STK33: variants seen among roughly 807,000 people sequenced by gnomAD.
STK33 encodes serine/threonine-protein kinase 33.
In STK33, 52 loss-of-function variants were observed where a neutral mutation model predicts 58.0. The ratio of observed to expected loss-of-function variants is 0.90; its 90% CI spans 0.72 to 1.13. The LOEUF (loss-of-function observed/expected upper bound fraction) is 1.13, where lower values mean the gene tolerates loss of function less well. Ranked by LOEUF, STK33 falls within the 50% of genes most tolerant of loss-of-function variation. STK33 has a pLI of 0.00. For synonymous variants in STK33, 215 were observed against 200.1 expected (o/e 1.07, Z -0.63); for missense variants, 630 against 604.2 (o/e 1.04, Z -0.45).
intron 1 of STK33, among the ~76,000 whole-genome samples, chr11:8,593,414 C>A (rs769023122): frequency 4.2e-4 from 64 of 152,176 alleles, no homozygotes; most frequent in Non-Finnish European, 6.9e-4. Context: ...ATGCAAATAT[C>A]CCTTACTAAC....
At chr11:8,355,239 G>A in the STK33 span, among the ~76,000 whole-genome samples, 238 of 152,360 alleles carry the variant, frequency 1.6e-3, no homozygotes, top group African/African-American at 5.5e-3. Flanking sequence ...TAGCCTCAAA[G>A]TTCTACCCCA....
chr11:8,439,162 A>G (rs1315271734), intron 12 of STK33, among the ~76,000 whole-genome samples: 4 of 152,170 alleles, frequency 2.6e-5, no homozygotes, highest in African/African-American at 9.7e-5. Context: ...TTTTCAGAAC[A>G]CCTCTTAGAA....
At chr11:8,435,633 T>C (rs1347148145) in intron 13 of STK33, 54 bp from the exon 14 acceptor site, 3 of 1,104,788 alleles carry the variant, frequency 2.7e-6, no homozygotes, top group Non-Finnish European at 3.7e-6. Context: ...ATTAATAGCA[T>C]ACATTTTACA....
intron 14 of STK33, among the ~76,000 whole-genome samples, chr11:8,432,210 T>C (rs1414055474): frequency 6.6e-6 from 1 of 152,226 alleles, no homozygotes; most frequent in East Asian, 1.9e-4. Context: ...TTTATAGCAG[T>C]GGCTTTTAAA....
At chr11:8,412,047 T>C (rs1168777187) in intron 15 of STK33, among the ~76,000 whole-genome samples, 2 of 152,182 alleles carry the variant, frequency 1.3e-5, no homozygotes, top group African/African-American at 4.8e-5. Flanking sequence ...TATTTTATGT[T>C]AGATGCAGTG....
At chr11:8,384,533 G>A in the STK33 span, among the ~76,000 whole-genome samples, 7 of 152,192 alleles carry the variant, frequency 4.6e-5, no homozygotes, top group Admixed American at 1.3e-4. Context: ...CAGTGGTCAC[G>A]CTCCTTGTTC....
intron 14 of STK33, among the ~76,000 whole-genome samples, chr11:8,425,203 T>C (rs1054109545): frequency 6.6e-6 from 1 of 152,214 alleles, no homozygotes; most frequent in Non-Finnish European, 1.5e-5. Flanking sequence ...TTTCTACATA[T>C]GGCTAGCAGG....
intron 14 of STK33, among the ~76,000 whole-genome samples, chr11:8,419,633 T>C (rs1348805247): frequency 2.0e-5 from 3 of 152,206 alleles, no homozygotes; most frequent in Admixed American, 1.3e-4. Flanking sequence ...TCACTGGTAA[T>C]TTGATAGGCA....
chr11:8,399,505 A>G (rs1849995408), intron 15 of STK33, among the ~76,000 whole-genome samples: 1 of 152,254 alleles, frequency 6.6e-6, no homozygotes, highest in Non-Finnish European at 1.5e-5. Flanking sequence ...AATGTCCACA[A>G]GAGAAAGCAG....
rs114873753 is a variant in STK33, at chr11:8,511,013, T to C, written c.-465-30399A>G. On this transcript the variant is annotated intron_variant, in intron 1 of 15. Coordinates refer to ENST00000687296, the MANE Select transcript of STK33 (RefSeq NM_001352389.2). The stretch of plus-strand genomic sequence containing the variant: ...TGTATGAATTTTGGTATTGTTTTTC[T>C]AGTTCTGTGAAGAATGACAATAGTA... Among the ~76,000 whole-genome samples the C allele has an allele frequency of 4.3e-3, 655 of 152,304 alleles. 2 individuals are homozygous for C. Among genetic ancestry groups the C allele is most frequent in the African/African-American group, 0.015 (616 of 41,568 alleles).
intron 1 of STK33, among the ~76,000 whole-genome samples, chr11:8,509,694 T>C (rs571317869): frequency 6.6e-6 from 1 of 152,228 alleles, no homozygotes; most frequent in South Asian, 2.1e-4. Flanking sequence ...CAAAGTCCTT[T>C]ATATCATTCT....
intron 1 of STK33, among the ~76,000 whole-genome samples, chr11:8,484,608 T>C (rs968298523): frequency 3.9e-5 from 6 of 152,190 alleles, no homozygotes; most frequent in Non-Finnish European, 7.3e-5. Flanking sequence ...ATAATTTAAA[T>C]ATGTAAATGC....
At chr11:8,573,659 G>A (rs567808883) in intron 1 of STK33, among the ~76,000 whole-genome samples, 155 of 152,244 alleles carry the variant, frequency 1.0e-3, no homozygotes, top group African/African-American at 3.4e-3. Flanking sequence ...ATCAGTAACC[G>A]TCAAAAACTG....
chr11:8,353,239 C>CA, the STK33 span, among the ~76,000 whole-genome samples: 2 of 152,210 alleles, frequency 1.3e-5, no homozygotes, highest in Non-Finnish European at 2.9e-5. Flanking sequence ...CCTGGGTCAG[C>CA]AAGAAGCCAC....
chr11:8,407,638 C>T (rs1473822815), intron 15 of STK33, among the ~76,000 whole-genome samples: 1 of 151,034 alleles, frequency 6.6e-6, no homozygotes, highest in Non-Finnish European at 1.5e-5. Context: ...GCCAGTAAGC[C>T]TGAAGATAGA....
intron 11 of STK33, among the ~76,000 whole-genome samples, chr11:8,445,756 T>G (rs1250418217): frequency 6.6e-6 from 1 of 152,220 alleles, no homozygotes; most frequent in Non-Finnish European, 1.5e-5. Context: ...GATAAGCTTT[T>G]TGATGTGCTG....
At chr11:8,447,263 G>A (rs569114718) in intron 11 of STK33, among the ~76,000 whole-genome samples, 1 of 152,262 alleles carries the variant, frequency 6.6e-6, no homozygotes, top group Non-Finnish European at 1.5e-5. Context: ...AGAGAAAGAG[G>A]GAATCCTCCC....
intron 11 of STK33, among the ~76,000 whole-genome samples, chr11:8,450,063 C>T (rs1301542570): frequency 6.6e-6 from 1 of 152,062 alleles, no homozygotes; most frequent in Admixed American, 6.5e-5. Context: ...TATATATATA[C>T]CCAAAGGATT....
At chr11:8,409,913 G>A (rs991578259) in intron 15 of STK33, among the ~76,000 whole-genome samples, 6 of 151,998 alleles carry the variant, frequency 3.9e-5, no homozygotes, top group Middle Eastern at 3.4e-3. Flanking sequence ...GAGACTTGCC[G>A]AACATCATAA....
Sources: allele counts gnomAD v4.1 joint callset (sites outside exome capture counted in the v4.1 genomes callset), GRCh38; gene constraint gnomAD v4.1.1; transcripts MANE v1.5; gene names NCBI Gene and HGNC (gene_info 2026-07-23, HGNC 2026-07-21).